The following CHLSN variants were observed in gnomAD, a reference collection of about 807,000 sequenced individuals.
CHLSN encodes protein cholesin.
chr7:1,136,465 CATATAT>C, the CHLSN span, among the ~76,000 whole-genome samples: 2 of 67,788 alleles, frequency 3.0e-5, no homozygotes, highest in Admixed American at 3.1e-4. Flanking sequence ...CATATATAAA[CATATAT>C]AAATATATAA....
chr7:1,023,313 G>A, the CHLSN span, among the ~76,000 whole-genome samples: 2 of 152,162 alleles, frequency 1.3e-5, no homozygotes, highest in Admixed American at 6.5e-5. The surrounding 1 kb of genome is among the most constrained non-coding windows in gnomAD (Gnocchi z 5.0). Context: ...CCGCCACCGC[G>A]GGGTCTGCGG....
At chr7:1,116,316 A>T in the CHLSN span, among the ~76,000 whole-genome samples, 1 of 121,258 alleles carries the variant, frequency 8.2e-6, no homozygotes, top group African/African-American at 3.4e-5. Flanking sequence ...CTCTACGGAC[A>T]GGCTTCCATC....
the CHLSN span, chr7:1,137,887 G>C: frequency 8.5e-5 from 13 of 152,210 alleles, no homozygotes; most frequent in Admixed American, 2.6e-4. Flanking sequence ...AATGAAACCA[G>C]AGCCACTGCA....
At chr7:1,135,303 G>GC in the CHLSN span, among the ~76,000 whole-genome samples, 2 of 149,986 alleles carry the variant, frequency 1.3e-5, no homozygotes, top group African/African-American at 5.0e-5. Flanking sequence ...TCAACTACAC[G>GC]CCAACTCAAC....
chr7:1,015,490 G>T, the CHLSN span, among the ~76,000 whole-genome samples: 1 of 152,198 alleles, frequency 6.6e-6, no homozygotes, highest in Non-Finnish European at 1.5e-5. Flanking sequence ...CTGGACTCAG[G>T]GTTTAGAAAA....
At chr7:1,029,139 GT>G in the CHLSN span, 1 of 152,328 alleles carries the variant, frequency 6.6e-6, no homozygotes, top group African/African-American at 2.4e-5. Flanking sequence ...TTGCTTGTTT[GT>G]TTTTGGAGAT....
the CHLSN span, among the ~76,000 whole-genome samples, chr7:1,049,217 G>A: frequency 6.6e-6 from 1 of 152,312 alleles, no homozygotes; most frequent in Non-Finnish European, 1.5e-5. Context: ...CCCTGCACAC[G>A]TGTCCGTTCA....
the CHLSN span, among the ~76,000 whole-genome samples, chr7:1,007,557 C>T: frequency 7.2e-5 from 11 of 152,316 alleles, no homozygotes; most frequent in South Asian, 2.1e-4. Context: ...GGCTTGCGGG[C>T]ACCCTTGGAG....
chr7:992,570 GT>G, the CHLSN span, among the ~76,000 whole-genome samples: 40 of 152,392 alleles, frequency 2.6e-4, no homozygotes, highest in African/African-American at 7.5e-4. Flanking sequence ...CTGGGGCCTT[GT>G]CCAGTGCGGG....
At chr7:986,652 C>T in the CHLSN span, 3 of 1,612,708 alleles carry the variant, frequency 1.9e-6, no homozygotes, top group Non-Finnish European at 2.5e-6. Context: ...TGGCTCGGGG[C>T]CCTGCTCCAG....
At chr7:1,007,029 C>T in the CHLSN span, among the ~76,000 whole-genome samples, 1 of 152,218 alleles carries the variant, frequency 6.6e-6, no homozygotes, top group Non-Finnish European at 1.5e-5. Context: ...AGGGACGGGG[C>T]ATGAAGACCC....
At chr7:987,314 G>A in the CHLSN span, 30 of 1,539,572 alleles carry the variant, frequency 1.9e-5, no homozygotes, top group African/African-American at 2.0e-4. Context: ...GAGGGATGGC[G>A]CTGCCACCCA....
At chr7:1,047,159 C>T in the CHLSN span, among the ~76,000 whole-genome samples, 1 of 152,236 alleles carries the variant, frequency 6.6e-6, no homozygotes, top group African/African-American at 2.4e-5. Context: ...GAATGCTGTT[C>T]CACCTTCCTC....
chr7:1,103,463 A>G, the CHLSN span, among the ~76,000 whole-genome samples: 1 of 152,226 alleles, frequency 6.6e-6, no homozygotes, highest in Non-Finnish European at 1.5e-5. Context: ...TTGGAGGTGT[A>G]TCTGCAGCTG....
chr7:1,015,845 G>A, the CHLSN span, among the ~76,000 whole-genome samples: 9 of 152,194 alleles, frequency 5.9e-5, no homozygotes, highest in African/African-American at 2.2e-4. Flanking sequence ...AAAGGTCATC[G>A]AGTGCTGACC....
chr7:1,093,459 C>T, the CHLSN span: 11 of 467,442 alleles, frequency 2.4e-5, no homozygotes, highest in Middle Eastern at 1.1e-3. Context: ...GCAGCAATGG[C>T]GCTGTGCGGC....
At chr7:1,105,722 C>T in the CHLSN span, among the ~76,000 whole-genome samples, 1 of 152,226 alleles carries the variant, frequency 6.6e-6, no homozygotes, top group Non-Finnish European at 1.5e-5. Context: ...TCAGGCAATT[C>T]TCCTGCCTCA....
At chr7:1,092,709 CG>C in the CHLSN span, 1 of 1,613,522 alleles carries the variant, frequency 6.2e-7, no homozygotes, top group Non-Finnish European at 8.5e-7. Flanking sequence ...ACAGCTTTCT[CG>C]GGGAGACCTT....
At chr7:1,028,832 A>T in the CHLSN span, 2 of 500,472 alleles carry the variant, frequency 4.0e-6, no homozygotes, top group Non-Finnish European at 4.6e-6. Flanking sequence ...CATCTCCTCC[A>T]GTCTACCCCC....
Sources: allele counts gnomAD v4.1 joint callset (sites outside exome capture counted in the v4.1 genomes callset), GRCh38; gene constraint gnomAD v4.1.1; non-coding constraint Gnocchi (gnomAD v3.1); transcripts MANE v1.5; gene names NCBI Gene and HGNC (gene_info 2026-07-23, HGNC 2026-07-21).